The following IMMT variants were observed in gnomAD, a reference collection of about 807,000 sequenced individuals.
IMMT encodes MICOS complex subunit MIC60.
Under a neutral mutation model 92.7 loss-of-function variants are expected in IMMT, and 40 were observed. The observed-to-expected ratio is 0.43, with a 90% CI of 0.34 to 0.56. The LOEUF (loss-of-function observed/expected upper bound fraction) is 0.56, where lower values mean the gene tolerates loss of function less well. Among genes scored for constraint, IMMT ranks in the 20% least tolerant of loss-of-function variants. The pLI, the probability that IMMT is intolerant of heterozygous loss-of-function variation, is 0.03. For missense variants in IMMT, 831 were observed against 912.1 expected (o/e 0.91, Z 1.14); for synonymous variants, 322 against 336.1 (o/e 0.96, Z 0.46).
chr2:86,163,390 T>C (rs1282570504), intron 7 of IMMT, among the ~76,000 whole-genome samples: 1 of 152,164 alleles, frequency 6.6e-6, no homozygotes, highest in Non-Finnish European at 1.5e-5. Context: ...TTAGAAGTAG[T>C]GATGAGCACA....
Position 86,159,543 on chromosome 2 carries a change from A to C in IMMT, c.1025T>G (p.Val342Gly). 1 of 1,599,644 alleles carries C rather than the reference A, an allele frequency of 6.3e-7. No homozygotes were observed. Among genetic ancestry groups the C allele is most frequent in the Non-Finnish European group, 8.5e-7 (1 of 1,169,992 alleles). Reference sequence around the variant, plus strand: ...AAGACTTAGGAAACATACCTTTTTGACCACATTATCCAGATCAACTATCAT... The same window carrying C: ...AAGACTTAGGAAACATACCTTTTTGCCCACATTATCCAGATCAACTATCAT... ...HNMIVDLDNVVKKVQAAQSEA... is the reference protein window; with the variant it reads ...HNMIVDLDNVGKKVQAAQSEA... The change falls in exon 9 of 15, where the codon GTC becomes GGC. Residue 342 changes from valine to glycine, a missense_variant. By Grantham distance (109) the Val-to-Gly change is moderately radical. Transcript: ENST00000410111.
chr2:86,192,285 T>C (rs1338800374), intron 1 of IMMT, among the ~76,000 whole-genome samples: 1 of 152,096 alleles, frequency 6.6e-6, no homozygotes, highest in Non-Finnish European at 1.5e-5. Context: ...AATCTGAATA[T>C]ATAATCAGAG....
intron 1 of IMMT, among the ~76,000 whole-genome samples, chr2:86,185,228 T>C (rs1391644906): frequency 6.6e-6 from 1 of 152,002 alleles, no homozygotes; most frequent in East Asian, 1.9e-4. Context: ...CTAACTGGTT[T>C]CTTTTAGCTG....
chr2:86,180,253 C>T (rs960605568), intron 2 of IMMT, among the ~76,000 whole-genome samples: 1 of 151,946 alleles, frequency 6.6e-6, no homozygotes, highest in Non-Finnish European at 1.5e-5. Flanking sequence ...TTTCTATAAA[C>T]ACAATAAACT....
chr2:86,167,148 A>C (rs1172017670), intron 6 of IMMT, among the ~76,000 whole-genome samples: 4 of 149,830 alleles, frequency 2.7e-5, no homozygotes, highest in South Asian at 2.1e-4. Flanking sequence ...CTGGATGATA[A>C]ATCTATGAAG....
In IMMT at chr2:86,162,011, T is replaced by A; in HGVS notation, c.861A>T (p.Ala287=). The A allele has an allele frequency of 6.2e-7, 1 of 1,605,468 alleles. No homozygotes were observed. Among genetic ancestry groups the A allele is most frequent in the Non-Finnish European group, 8.5e-7 (1 of 1,176,052 alleles). The part of the protein sequence containing the change: ...VEGALKERRK[A]VDEAADALLK... ...GAAGGGCATCGGCAGCTTCATCTAC[T>A]GCCTTTCTGCGTTCCTTCAATGCAC... The change falls in exon 8 of 15, where the codon GCA becomes GCT. Residue 287 remains alanine (A), a synonymous_variant. Coordinates refer to ENST00000410111, the MANE Select transcript of IMMT (RefSeq NM_006839.3).
chr2:86,161,876 C>T lies in IMMT; in HGVS notation c.896+100G>A, dbSNP rs1676302863. 4 of 752,232 alleles carry T rather than the reference C, an allele frequency of 5.3e-6. No individual in the cohort carries two copies. The Admixed American group carries it at 7.0e-5, about 13-fold the overall frequency. 46.6% of individuals were successfully genotyped at this position (752,232 alleles called of 1,614,324 possible). ...GTGGAAAAGTGAGAGAAGGGTTTCT[C>T]TACCTCCTCTTTATTCTATACAGAC... On this transcript the variant is annotated intron_variant, in intron 8 of 14. Transcript: ENST00000410111.
In IMMT at chr2:86,144,242, T is replaced by G. The variant is rs775309637; in HGVS notation, c.*26A>C. ...TGCTGATTTCCTTTGACATGAAATATGACTTTATGAAAATCTTCCTAAACC... is the reference window on the plus strand; with the variant it reads ...TGCTGATTTCCTTTGACATGAAATAGGACTTTATGAAAATCTTCCTAAACC... On this transcript the variant is annotated 3_prime_UTR_variant, in exon 15 of 15. Transcript: ENST00000410111. 1.2e-6 allele frequency: 2 copies of G among 1,610,450 alleles called. No individual in the cohort carries two copies. The highest frequency in any genetic ancestry group is 3.3e-5 in the Admixed American group (2 of 59,788).
At chr2:86,152,770 G>A (rs1675568086) in intron 11 of IMMT, among the ~76,000 whole-genome samples, 1 of 144,508 alleles carries the variant, frequency 6.9e-6, no homozygotes, top group Non-Finnish European at 1.5e-5. Flanking sequence ...AAAAAAAAAA[G>A]AATTATGACT....
intron 8 of IMMT, among the ~76,000 whole-genome samples, chr2:86,161,043 A>C (rs1173548407): frequency 6.6e-6 from 1 of 150,564 alleles, no homozygotes; most frequent in Non-Finnish European, 1.5e-5. Flanking sequence ...GGCTATAGTG[A>C]GCCCTGATCA....
intron 4 of IMMT, among the ~76,000 whole-genome samples, chr2:86,172,698 T>G (rs1677178061): frequency 1.3e-5 from 2 of 152,168 alleles, no homozygotes; most frequent in Admixed American, 6.5e-5. Context: ...CTCTCTGACC[T>G]CATTTGCTCC....
chr2:86,159,360 C>G, intron 9 of IMMT, 176 bp downstream of exon 9: 1 of 676,374 alleles, frequency 1.5e-6, no homozygotes, highest in Non-Finnish European at 2.7e-6. Context: ...GCTGGGATTA[C>G]AGGTGTGAAC....
At chr2:86,180,887 T>TA (rs899209244) in intron 2 of IMMT, among the ~76,000 whole-genome samples, 4 of 150,582 alleles carry the variant, frequency 2.7e-5, no homozygotes, top group African/African-American at 7.3e-5. Context: ...ACTCTGTCTT[T>TA]AAAAAAAAGA....
At chr2:86,167,172 C>CT (rs1163472844) in intron 6 of IMMT, among the ~76,000 whole-genome samples, 1,948 of 125,984 alleles carry the variant, frequency 0.015, 77 homozygotes, top group African/African-American at 0.042. Flanking sequence ...TATTACACTT[C>CT]TTTTTTTTTT....
At chr2:86,149,111 T>TA (rs1378930823) in intron 12 of IMMT, among the ~76,000 whole-genome samples, 1 of 152,176 alleles carries the variant, frequency 6.6e-6, no homozygotes, top group Non-Finnish European at 1.5e-5. Context: ...TCCCCCACCT[T>TA]ACATTTAAAA....
chr2:86,156,147 CATG>C (rs1359630683), intron 10 of IMMT, among the ~76,000 whole-genome samples: 1 of 152,122 alleles, frequency 6.6e-6, no homozygotes, highest in African/African-American at 2.4e-5. Context: ...CTGTGTACTG[CATG>C]ATGTTTAGCA....
At chr2:86,151,602 T>C in intron 11 of IMMT, 82 bp from the exon 12 acceptor site, 1 of 1,025,998 alleles carries the variant, frequency 9.7e-7, no homozygotes, top group Non-Finnish European at 1.5e-6. Context: ...CAACTGATTA[T>C]AATTTAAGAG....
At chr2:86,179,919 C>T (rs1672304459) in intron 2 of IMMT, among the ~76,000 whole-genome samples, 2 of 99,482 alleles carry the variant, frequency 2.0e-5, no homozygotes, top group South Asian at 2.7e-4. Context: ...CTACCCACCA[C>T]ACCCTGCCAA....
At chr2:86,165,518 T>A (rs186623482) in intron 7 of IMMT, among the ~76,000 whole-genome samples, 4 of 152,256 alleles carry the variant, frequency 2.6e-5, no homozygotes, top group African/African-American at 9.6e-5. Context: ...GTGTGTAAAA[T>A]TTTTTTTAAA....
Sources: allele counts gnomAD v4.1 joint callset (sites outside exome capture counted in the v4.1 genomes callset), GRCh38; gene constraint gnomAD v4.1.1; transcripts MANE v1.5; gene names NCBI Gene and HGNC (gene_info 2026-07-23, HGNC 2026-07-21).